Variants in FUT8 observed in about 807,000 individuals in gnomAD.
The protein encoded by FUT8 is alpha-(1,6)-fucosyltransferase.
A neutral mutation model predicts 71.3 loss-of-function variants in FUT8; 29 were observed. The ratio of observed to expected loss-of-function variants is 0.41; its 90% CI spans 0.30 to 0.55. The LOEUF is 0.55. FUT8 is among the 20% of genes least tolerant of loss of function. FUT8 has a pLI of 0.34. For synonymous variants in FUT8, 254 were observed against 239.3 expected (o/e 1.06, Z -0.57); for missense variants, 544 against 702.1 (o/e 0.77, Z 2.55).
intron 7 of FUT8, among the ~76,000 whole-genome samples, chr14:65,677,349 C>T (rs1390840658): frequency 6.6e-6 from 1 of 151,998 alleles, no homozygotes; most frequent in East Asian, 1.9e-4. Context: ...CAAAAATATT[C>T]TTAGCAGTTA....
At chr14:65,454,555 T>C (rs527454977) in intron 1 of FUT8, among the ~76,000 whole-genome samples, 1 of 152,322 alleles carries the variant, frequency 6.6e-6, no homozygotes, top group African/African-American at 2.4e-5. Flanking sequence ...GTTGGTGATA[T>C]TGCTTTTATA....
chr14:65,464,560 A>G (rs1321291071), intron 2 of FUT8, among the ~76,000 whole-genome samples: 1 of 152,156 alleles, frequency 6.6e-6, no homozygotes, highest in Non-Finnish European at 1.5e-5. Flanking sequence ...GAGAACATGT[A>G]ATTATTAACT....
chr14:65,724,292 G>T lies in FUT8; in HGVS notation c.1228G>T (p.Asp410Tyr). The T allele has an allele frequency of 6.2e-7, 1 of 1,609,938 alleles. No homozygotes were observed. The highest frequency in any genetic ancestry group is 1.1e-5 in the South Asian group (1 of 89,940). The change falls in exon 9 of 11, where the codon GAC becomes TAC. Residue 410 changes from aspartate (D) to tyrosine (Y), a missense_variant. Coordinates refer to ENST00000673929, the MANE Select transcript of FUT8 (RefSeq NM_001371533.1). ...AAAAAGAGTGTATTTGGCCACAGAT[G>T]ACCCTTCTTTATTAAAGGAGGCAAA... Reference protein sequence around the residue: ...DKKRVYLATDDPSLLKEAKTK... With the variant: ...DKKRVYLATDYPSLLKEAKTK...
chr14:65,653,014 A>C (rs924504591), intron 6 of FUT8, among the ~76,000 whole-genome samples: 8 of 152,234 alleles, frequency 5.3e-5, no homozygotes, highest in Non-Finnish European at 2.9e-5. Flanking sequence ...TCACTTCAAG[A>C]GGCAGAGATA....
At chr14:65,694,534 C>T (rs1364933468) in intron 7 of FUT8, among the ~76,000 whole-genome samples, 1 of 152,088 alleles carries the variant, frequency 6.6e-6, no homozygotes, top group East Asian at 1.9e-4. Flanking sequence ...CCAGCCATCC[C>T]ATTACTGGGT....
chr14:65,692,647 G>A (rs1253363495), intron 7 of FUT8, among the ~76,000 whole-genome samples: 14 of 148,382 alleles, frequency 9.4e-5, no homozygotes, highest in East Asian at 8.3e-4. Context: ...GCTGCCGGGC[G>A]GAGACGCTCC....
intron 2 of FUT8, among the ~76,000 whole-genome samples, chr14:65,469,764 T>C (rs1452724986): frequency 6.6e-5 from 10 of 152,264 alleles, no homozygotes; most frequent in African/African-American, 2.4e-4. Flanking sequence ...CGATAGCTCC[T>C]CTCTGCAGCT....
At position 65,561,342 on chromosome 14, in the gene FUT8, A is replaced by G; in HGVS notation, c.-222A>G. On this transcript the variant is annotated 5_prime_UTR_variant, in exon 3 of 11. The change abolishes the stop of an existing upstream ORF in the 5' untranslated region. Coordinates refer to ENST00000673929, the MANE Select transcript of FUT8 (RefSeq NM_001371533.1). ...ATTTCTTACTCTTTCCACAGCATGT[A>G]GAGCGCATGAAGTACAGGACAATAA... 1.9e-6 allele frequency: 1 copy of G among 534,836 alleles called. No homozygotes were observed. Among genetic ancestry groups the G allele is most frequent in the Admixed American group, 3.1e-5 (1 of 32,306 alleles). The allele number at this position is 534,836 out of a possible 1,614,324, so 33.1% of individuals were successfully genotyped here.
chr14:65,410,789 A>C (rs540425773), upstream of FUT8: 6 of 152,122 alleles, frequency 3.9e-5, no homozygotes, highest in South Asian at 1.2e-3. Context: ...TTTTATTTTT[A>C]ATTTTAGACA....
chr14:65,400,460 A>G, the FUT8 span, among the ~76,000 whole-genome samples: 1 of 152,104 alleles, frequency 6.6e-6, no homozygotes, highest in Non-Finnish European at 1.5e-5. Flanking sequence ...TTTCCCTGTT[A>G]ATTCCCTGTT....
At position 65,625,151 on chromosome 14, in the gene FUT8, G is replaced by GA. The variant is rs566559003; in HGVS notation, c.483-4335dup. Among the ~76,000 whole-genome samples, 27 of 152,080 alleles carry GA rather than the reference G, an allele frequency of 1.8e-4. No individual in the cohort carries two copies. The South Asian group carries it at 3.6e-3, about 20-fold the overall frequency. On this transcript the variant is annotated intron_variant, in intron 5 of 10. Transcript: ENST00000673929. ...GTGATTACTCCTATTTGATAGGTAG[G>GA]AAAAAACAAATGACCACATTCTATT...
the FUT8 span, among the ~76,000 whole-genome samples, chr14:65,388,632 T>G: frequency 2.0e-5 from 3 of 152,148 alleles, no homozygotes; most frequent in East Asian, 5.8e-4. Flanking sequence ...CGTGATGGTG[T>G]GCACCTGTAA....
At chr14:65,552,368 AT>A (rs1198075122) in intron 2 of FUT8, among the ~76,000 whole-genome samples, 1 of 152,178 alleles carries the variant, frequency 6.6e-6, no homozygotes, top group African/African-American at 2.4e-5. Context: ...TATGTAATGT[AT>A]TTTATGTAAT....
chr14:65,596,775 A>T (rs1328958861), intron 3 of FUT8, among the ~76,000 whole-genome samples: 2 of 152,110 alleles, frequency 1.3e-5, no homozygotes, highest in Admixed American at 1.3e-4. Flanking sequence ...GTTTTCTCTC[A>T]TAGGACTTGC....
rs142513547 is a variant in FUT8, at chr14:65,634,308, G to A, written c.597+4702G>A. ...GAAACATGTGCTGTGTCCACTCAGC[G>A]TTAAATGGATTAAGGGCGGTGCAAG... On this transcript the variant is annotated intron_variant, in intron 6 of 10. Transcript: ENST00000673929. 6.3e-3 allele frequency among the ~76,000 whole-genome samples: 956 copies of A among 152,162 alleles called. 11 individuals are homozygous for A. Among genetic ancestry groups the A allele is most frequent in the East Asian group, 0.036 (184 of 5,172 alleles).
Position 65,669,517 on chromosome 14 carries a change from G to GT in FUT8, c.835+40dup, listed in dbSNP as rs1892376838. ...GTGCAGCATATGAGATCTCTGGGCT[G>GT]TTTCACTCAATTACCAGATTATTAG... On this transcript the variant is annotated intron_variant, in intron 7 of 10. Transcript: ENST00000673929. The surrounding 1 kb of genome is among the most constrained non-coding windows in gnomAD (Gnocchi z 4.5). 6 of 1,410,666 alleles carry GT rather than the reference G, an allele frequency of 4.3e-6. No individual in the cohort carries two copies. The highest frequency in any genetic ancestry group is 1.4e-5 in the African/African-American group (1 of 71,098). The allele number at this position is 1,410,666 out of a possible 1,614,324, so 87.4% of individuals were successfully genotyped here. A position where few individuals can be genotyped will look rare whatever the true frequency, so the allele number is the denominator to read the frequency against.
At chr14:65,730,711 A>G (rs1366645872) in intron 9 of FUT8, among the ~76,000 whole-genome samples, 1 of 152,184 alleles carries the variant, frequency 6.6e-6, no homozygotes, top group African/African-American at 2.4e-5. Flanking sequence ...TTTTACCACC[A>G]GCATCCCAGT....
chr14:65,655,571 C>T (rs183614885), intron 6 of FUT8, among the ~76,000 whole-genome samples: 278 of 150,594 alleles, frequency 1.8e-3, no homozygotes, highest in African/African-American at 6.4e-3. Context: ...GAAGATATAA[C>T]GATAATAAAA....
intron 3 of FUT8, among the ~76,000 whole-genome samples, chr14:65,608,063 CAAA>C (rs35942953): frequency 1.8e-5 from 2 of 108,610 alleles, no homozygotes; most frequent in Non-Finnish European, 3.7e-5. Context: ...GACTCCGTCT[CAAA>C]AAAAAAAAAA....
Sources: gnomAD v4.1 joint callset for allele counts (sites outside exome capture counted in the v4.1 genomes callset) on GRCh38, gnomAD v4.1.1 for gene constraint, Gnocchi (gnomAD v3.1) non-coding constraint, MANE v1.5 for transcripts, NCBI Gene and HGNC (gene_info 2026-07-23, HGNC 2026-07-21) for gene names.